The following DACH1 variants were observed in gnomAD, a reference collection of about 807,000 sequenced individuals.
DACH1 encodes the protein dachshund homolog 1.
In DACH1, 12 loss-of-function variants were observed where a neutral mutation model predicts 54.2. That is an observed-to-expected ratio of 0.22 (90% CI 0.14 to 0.36). The LOEUF (loss-of-function observed/expected upper bound fraction) is 0.36, where lower values mean the gene tolerates loss of function less well. DACH1 is among the 10% of genes least tolerant of loss of function. DACH1 has a pLI of 1.00. For synonymous variants in DACH1, 386 were observed against 366.2 expected (o/e 1.05, Z -0.62); for missense variants, 805 against 929.8 (o/e 0.87, Z 1.75).
intron 10 of DACH1, among the ~76,000 whole-genome samples, chr13:71,458,630 T>C (rs1875799736): frequency 6.6e-6 from 1 of 151,934 alleles, no homozygotes; most frequent in South Asian, 2.1e-4. Flanking sequence ...TGAGTTCTAC[T>C]AGAAAAATTG....
In DACH1 at chr13:71,656,921, C is replaced by CATATACAT. The variant is rs1555307078; in HGVS notation, c.964+24873_964+24874insATGTATAT. Reference sequence around the variant, plus strand: ...GAGTACAGATTGACTGTTCTTCTTTCATATATATATATATATATATATATA... The same window carrying CATATACAT: ...GAGTACAGATTGACTGTTCTTCTTTCATATACATATATATATATATATATATATATATA... On this transcript the variant is annotated intron_variant, in intron 2 of 10. Coordinates refer to ENST00000613252, the MANE Select transcript of DACH1 (RefSeq NM_080759.6). 3.6e-5 allele frequency among the ~76,000 whole-genome samples: 3 copies of CATATACAT among 83,424 alleles called. No homozygotes were observed. The East Asian group carries it at 1.3e-3, about 36-fold the overall frequency. 54.7% of individuals were successfully genotyped at this position (83,424 alleles called of 152,430 possible).
At chr13:71,450,462 T>A (rs960311922) in intron 10 of DACH1, among the ~76,000 whole-genome samples, 5 of 152,144 alleles carry the variant, frequency 3.3e-5, no homozygotes, top group African/African-American at 1.2e-4. Flanking sequence ...CAACAACTGA[T>A]TACCCCATCT....
At chr13:71,852,569 A>G (rs1873744153) in intron 1 of DACH1, among the ~76,000 whole-genome samples, 1 of 152,200 alleles carries the variant, frequency 6.6e-6, no homozygotes, top group Admixed American at 6.5e-5. Flanking sequence ...AGTTTGCTTA[A>G]AAATTCACCC....
At chr13:71,597,446 C>T (rs1017376948) in intron 3 of DACH1, among the ~76,000 whole-genome samples, 4 of 152,144 alleles carry the variant, frequency 2.6e-5, no homozygotes, top group African/African-American at 4.8e-5. Flanking sequence ...TAGTGTTATA[C>T]AGTACCTACC....
chr13:71,779,166 CGT>C lies in DACH1; in HGVS notation c.848+86754_848+86755del, dbSNP rs1491367755. On this transcript the variant is annotated intron_variant, in intron 1 of 10. Transcript: ENST00000613252. ...ATATATACACATATATACGTATATA[CGT>C]ATATATATACACATATATACGTATA... Among the ~76,000 whole-genome samples, 239 of 79,586 alleles carry C rather than the reference CGT, an allele frequency of 3.0e-3. 2 individuals are homozygous for C. Among genetic ancestry groups the C allele is most frequent in the African/African-American group, 0.011 (223 of 20,160 alleles). The allele number at this position is 79,586 out of a possible 152,430, so 52.2% of individuals were successfully genotyped here.
intron 1 of DACH1, among the ~76,000 whole-genome samples, chr13:71,860,418 C>A (rs1874275404): frequency 6.7e-6 from 1 of 148,950 alleles, no homozygotes. Context: ...TCCATTTTTA[C>A]ATTTCCTGTT....
At chr13:71,826,233 A>C (rs1435670474) in intron 1 of DACH1, among the ~76,000 whole-genome samples, 1 of 152,136 alleles carries the variant, frequency 6.6e-6, no homozygotes, top group Non-Finnish European at 1.5e-5. Flanking sequence ...TGTATGACAT[A>C]TTGCTATTTT....
rs191029952 is a variant in DACH1 at position 71,637,978 on chromosome 13, T to A, written c.965-7261A>T. ...GACATCAAGATGACTTCCAAATGTT[T>A]GATATATTGTCTACTTTTACATTGC... On this transcript the variant is annotated intron_variant, in intron 2 of 10. Coordinates refer to ENST00000613252, the MANE Select transcript of DACH1 (RefSeq NM_080759.6). 2.0e-5 allele frequency among the ~76,000 whole-genome samples: 3 copies of A among 152,284 alleles called. No individual in the cohort carries two copies. The East Asian group carries it at 5.8e-4, about 29-fold the overall frequency.
intron 3 of DACH1, among the ~76,000 whole-genome samples, chr13:71,598,809 A>G (rs528564866): frequency 6.6e-6 from 1 of 151,756 alleles, no homozygotes; most frequent in Non-Finnish European, 1.5e-5. Context: ...AAGTCAACAG[A>G]CTCTCCCTCG....
intron 1 of DACH1, among the ~76,000 whole-genome samples, chr13:71,753,972 T>C (rs1885034200): frequency 1.3e-5 from 2 of 152,186 alleles, no homozygotes; most frequent in South Asian, 4.1e-4. Flanking sequence ...AGGCCACAGA[T>C]GCAAAGAGAA....
At chr13:71,525,376 C>A (rs767402589) in intron 6 of DACH1, among the ~76,000 whole-genome samples, 75 of 152,026 alleles carry the variant, frequency 4.9e-4, no homozygotes, top group Admixed American at 1.6e-3. Context: ...ACTGACATTT[C>A]TTTTTGTGAT....
At chr13:71,467,430 C>G (rs1214638104) in intron 10 of DACH1, among the ~76,000 whole-genome samples, 2 of 150,376 alleles carry the variant, frequency 1.3e-5, no homozygotes, top group Non-Finnish European at 3.0e-5. Context: ...AGCACACCAG[C>G]ATGGCCATGT....
chr13:71,576,502 T>G (rs574345968), intron 3 of DACH1, among the ~76,000 whole-genome samples: 2 of 152,302 alleles, frequency 1.3e-5, no homozygotes, highest in East Asian at 1.9e-4. Flanking sequence ...TCACCCTCAC[T>G]TGATATTTTT....
Position 71,654,705 on chromosome 13 carries a change from C to T in DACH1, c.965-23988G>A, listed in dbSNP as rs922109860. Reference sequence around the variant, plus strand: ...TTTCATAAGCATTACAGTTCACAAACGTTACATTCAACTCAACTTCAAAGC... The same window carrying T: ...TTTCATAAGCATTACAGTTCACAAATGTTACATTCAACTCAACTTCAAAGC... On this transcript the variant is annotated intron_variant, in intron 2 of 10. Coordinates refer to ENST00000613252, the MANE Select transcript of DACH1 (RefSeq NM_080759.6). 6.6e-5 allele frequency among the ~76,000 whole-genome samples: 10 copies of T among 151,980 alleles called. No homozygotes were observed. In the East Asian group the frequency reaches 7.7e-4, roughly 12 times the overall value.
At chr13:71,756,943 G>A (rs1381400758) in intron 1 of DACH1, among the ~76,000 whole-genome samples, 1 of 152,102 alleles carries the variant, frequency 6.6e-6, no homozygotes, top group Admixed American at 6.6e-5. Context: ...TAAAGGATCA[G>A]GAGAAACGAT....
At chr13:71,736,501 T>C (rs1437132751) in intron 1 of DACH1, among the ~76,000 whole-genome samples, 2 of 151,982 alleles carry the variant, frequency 1.3e-5, no homozygotes, top group African/African-American at 4.8e-5. Flanking sequence ...TATATATAAA[T>C]ATAAAAGTGT....
rs190259799 is a variant in DACH1, at chr13:71,735,469, C to T, written c.849-53559G>A. Among the ~76,000 whole-genome samples, 6 of 11,662 alleles carry T rather than the reference C, an allele frequency of 5.1e-4. 2 individuals carry two copies. Among genetic ancestry groups the T allele is most frequent in the Admixed American group, 1.7e-3 (2 of 1,210 alleles). The allele number at this position is 11,662 out of a possible 152,430, so 7.7% of individuals were successfully genotyped here. A position where few individuals can be genotyped will look rare whatever the true frequency, so the allele number is the denominator to read the frequency against. The stretch of plus-strand genomic sequence containing the variant: ...CGTGTATATGGGATATACACGTATA[C>T]GGGATATACGTGTATATGGGATATA... On this transcript the variant is annotated intron_variant, in intron 1 of 10. Transcript: ENST00000613252.
At chr13:71,598,190 G>C (rs990735201) in intron 3 of DACH1, among the ~76,000 whole-genome samples, 10 of 152,074 alleles carry the variant, frequency 6.6e-5, no homozygotes, top group Admixed American at 6.6e-5. Flanking sequence ...ACAGTAATGG[G>C]ACCTGGAAAA....
At chr13:71,458,473 T>C (rs1268595556) in intron 10 of DACH1, among the ~76,000 whole-genome samples, 1 of 151,914 alleles carries the variant, frequency 6.6e-6, no homozygotes, top group African/African-American at 2.4e-5. Context: ...GGATACTTTA[T>C]TAAATGAGAA....
Sources: gnomAD v4.1 joint callset for allele counts (sites outside exome capture counted in the v4.1 genomes callset) on GRCh38, gnomAD v4.1.1 for gene constraint, MANE v1.5 for transcripts, NCBI Gene and HGNC (gene_info 2026-07-23, HGNC 2026-07-21) for gene names.